The following ZNF608 variants were observed in gnomAD, a reference collection of about 807,000 sequenced individuals.
The protein encoded by ZNF608 is renal carcinoma antigen NY-REN-36.
Under a neutral mutation model 109.0 loss-of-function variants are expected in ZNF608, and 12 were observed. The observed-to-expected ratio is 0.11, with a 90% CI of 0.07 to 0.18. The LOEUF is 0.18. Among genes scored for constraint, ZNF608 ranks in the 10% least tolerant of loss-of-function variants. The probability of loss-of-function intolerance (pLI) is 1.00; values close to 1 mark genes in which losing one functional copy is unlikely to be tolerated. For missense variants in ZNF608, 1,707 were observed against 1,879.3 expected (o/e 0.91, Z 1.70); for synonymous variants, 732 against 717.4 (o/e 1.02, Z -0.33).
intron 2 of ZNF608, among the ~76,000 whole-genome samples, chr5:124,708,942 C>A (rs568099024): frequency 6.6e-6 from 1 of 152,038 alleles, no homozygotes; most frequent in Non-Finnish European, 1.5e-5. Flanking sequence ...GAGGCCAAGG[C>A]GGGTAGATCA....
chr5:124,694,076 C>A (rs1311312270), intron 3 of ZNF608, among the ~76,000 whole-genome samples: 1 of 141,834 alleles, frequency 7.1e-6, no homozygotes, highest in African/African-American at 2.6e-5. Flanking sequence ...CCCGGTTTCA[C>A]GCCATTCTCC....
intron 7 of ZNF608, among the ~76,000 whole-genome samples, chr5:124,641,705 A>C (rs1286616209): frequency 6.6e-6 from 1 of 152,220 alleles, no homozygotes; most frequent in Admixed American, 6.5e-5. Context: ...TTAAGAATTT[A>C]CCCAATTGCT....
chr5:124,712,440 G>A (rs770182560), intron 2 of ZNF608, among the ~76,000 whole-genome samples: 1 of 152,194 alleles, frequency 6.6e-6, no homozygotes, highest in Non-Finnish European at 1.5e-5. Flanking sequence ...TGGAGTGGCT[G>A]AGTTGGCTCA....
chr5:124,691,698 A>G (rs1752637879), intron 3 of ZNF608, among the ~76,000 whole-genome samples: 1 of 152,224 alleles, frequency 6.6e-6, no homozygotes, highest in Non-Finnish European at 1.5e-5. Context: ...CCTTAAGGAT[A>G]TTACATCAAG....
In ZNF608 at chr5:124,745,082, G is replaced by C. The variant is rs1358748107; in HGVS notation, c.-93C>G. The C allele has an allele frequency of 1.4e-6, 2 of 1,428,500 alleles. No individual in the cohort carries two copies. Among genetic ancestry groups the C allele is most frequent in the Admixed American group, 2.6e-5 (1 of 38,194 alleles). The allele number at this position is 1,428,500 out of a possible 1,614,324, so 88.5% of individuals were successfully genotyped here. On this transcript the variant is annotated 5_prime_UTR_variant, in exon 2 of 10. Transcript: ENST00000513986. ...TATCTCCGCTGGGCTTTCTCTCAAA[G>C]AAAAAAAAAATCTTCTAATCTTCCT...
intron 2 of ZNF608, among the ~76,000 whole-genome samples, chr5:124,737,245 T>C (rs532470598): frequency 6.6e-6 from 1 of 152,342 alleles, no homozygotes; most frequent in East Asian, 1.9e-4. Flanking sequence ...AAAAGCTACA[T>C]TCATGTGGCA....
At chr5:124,685,790 C>T (rs957069974) in intron 3 of ZNF608, among the ~76,000 whole-genome samples, 7 of 152,188 alleles carry the variant, frequency 4.6e-5, no homozygotes, top group African/African-American at 1.7e-4. Context: ...CAAGCCATCA[C>T]TAGAGCCACA....
At chr5:124,720,669 T>A (rs993280309) in intron 2 of ZNF608, among the ~76,000 whole-genome samples, 1 of 152,208 alleles carries the variant, frequency 6.6e-6, no homozygotes, top group Non-Finnish European at 1.5e-5. Context: ...ACAACAATTA[T>A]GGCTATGAAT....
At chr5:124,708,163 AAAATAGT>A (rs1473830008) in intron 2 of ZNF608, among the ~76,000 whole-genome samples, 1 of 152,232 alleles carries the variant, frequency 6.6e-6, no homozygotes, top group Non-Finnish European at 1.5e-5. Context: ...CTTTCTCATA[AAAATAGT>A]AACATCAGCA....
intron 2 of ZNF608, among the ~76,000 whole-genome samples, chr5:124,704,801 G>A (rs192690571): frequency 2.6e-5 from 4 of 152,012 alleles, no homozygotes; most frequent in Non-Finnish European, 4.4e-5. Context: ...ACAGAATGTC[G>A]CCTAGCCCAA....
At chr5:124,704,906 C>T (rs945108171) in intron 2 of ZNF608, among the ~76,000 whole-genome samples, 9 of 151,960 alleles carry the variant, frequency 5.9e-5, no homozygotes, top group African/African-American at 1.9e-4. Flanking sequence ...CGATGGCATC[C>T]CACAAGCAGA....
chr5:124,641,202 G>A (rs2149781302), intron 8 of ZNF608, 50 bp downstream of exon 8: 1 of 1,609,816 alleles, frequency 6.2e-7, no homozygotes, highest in African/African-American at 1.3e-5. Flanking sequence ...TTTAGCAACT[G>A]TTTTCCAAAG....
chr5:124,672,988 A>T lies in ZNF608; in HGVS notation c.1163-23291T>A, dbSNP rs1198938502. On this transcript the variant is annotated intron_variant, in intron 3 of 9. Transcript: ENST00000513986. ...GGTGACTCTCAAAGAAACAGGAAAA[A>T]AGGGTAACTGCAGTGGACTGGCTAT... Among the ~76,000 whole-genome samples the T allele has an allele frequency of 3.3e-5, 5 of 152,334 alleles. No individual in the cohort carries two copies. In the South Asian group the frequency reaches 8.3e-4, roughly 25 times the overall value.
intron 3 of ZNF608, among the ~76,000 whole-genome samples, chr5:124,682,325 G>A (rs1016927832): frequency 3.3e-5 from 5 of 152,178 alleles, no homozygotes; most frequent in Admixed American, 6.5e-5. Context: ...CTTCCGCCTT[G>A]GCCTCCCAAA....
upstream of ZNF608, among the ~76,000 whole-genome samples, chr5:124,747,338 C>T (rs1039006867): frequency 2.0e-5 from 3 of 151,420 alleles, no homozygotes; most frequent in Non-Finnish European, 4.4e-5. Flanking sequence ...AATTAGCTGG[C>T]GTTTGGAAGC....
At chr5:124,742,789 T>C (rs1749467339) in intron 2 of ZNF608, among the ~76,000 whole-genome samples, 3 of 152,188 alleles carry the variant, frequency 2.0e-5, no homozygotes. Context: ...TATAAAAGTT[T>C]AAGTAGCAGT....
At chr5:124,697,370 AT>A (rs5871100) in intron 3 of ZNF608, among the ~76,000 whole-genome samples, 21 of 149,236 alleles carry the variant, frequency 1.4e-4, no homozygotes, top group African/African-American at 9.8e-5. Flanking sequence ...TTGTTTTGTT[AT>A]TTTTTTTTTA....
chr5:124,721,382 T>C (rs1398599372), intron 2 of ZNF608, among the ~76,000 whole-genome samples: 1 of 152,136 alleles, frequency 6.6e-6, no homozygotes, highest in African/African-American at 2.4e-5. Context: ...GTAAGAGGGC[T>C]CAGTGCTAGG....
chr5:124,744,288 G>A lies in ZNF608; in HGVS notation c.702C>T (p.His234=), dbSNP rs1260624925. ...GSGSQAPSGG[H]LYGFGAKSNG... ...TGCTCTTGGCCCCAAAGCCATAGAG[G>A]TGCCCCCCGGAAGGGGCCTGGCTGC... is the stretch of plus-strand genomic sequence containing the variant. The change falls in exon 2 of 10, where the codon CAC becomes CAT. Residue 234 remains histidine, a synonymous_variant. Transcript: ENST00000513986. This position sits in a 1 kb window ranked among gnomAD's most constrained non-coding sequence, Gnocchi z 4.5. The A allele has an allele frequency of 6.2e-7, 1 of 1,613,802 alleles. No individual in the cohort carries two copies. Among genetic ancestry groups the A allele is most frequent in the East Asian group, 2.2e-5 (1 of 44,892 alleles).
Sources: gnomAD v4.1 joint callset for allele counts (sites outside exome capture counted in the v4.1 genomes callset) on GRCh38, gnomAD v4.1.1 for gene constraint, Gnocchi (gnomAD v3.1) non-coding constraint, MANE v1.5 for transcripts, NCBI Gene and HGNC (gene_info 2026-07-23, HGNC 2026-07-21) for gene names.